Variants in PLLP observed in about 807,000 individuals in gnomAD.
PLLP encodes plasmolipin, also known as plasma membrane proteolipid (plasmolipin).
In PLLP, 15 loss-of-function variants were observed where a neutral mutation model predicts 19.7. The observed-to-expected ratio is 0.76, with a 90% CI of 0.51 to 1.17. PLLP has a LOEUF of 1.17. PLLP is among the 50% of genes most tolerant of loss of function. The pLI is 0.00. For missense variants in PLLP, 255 were observed against 258.3 expected, an observed-to-expected ratio of 0.99 and a Z score of 0.09; for synonymous variants, 111 against 116.3, an observed-to-expected ratio of 0.95 and a Z score of 0.29.
At chr16:57,278,185 C>T (rs1279068408) in intron 1 of PLLP, among the ~76,000 whole-genome samples, 1 of 152,082 alleles carries the variant, frequency 6.6e-6, no homozygotes, top group African/African-American at 2.4e-5. Flanking sequence ...ACTAAAAATA[C>T]AATAATGAGT....
intron 1 of PLLP, among the ~76,000 whole-genome samples, chr16:57,276,861 T>C (rs1264281212): frequency 6.6e-6 from 1 of 152,134 alleles, no homozygotes; most frequent in Non-Finnish European, 1.5e-5. Flanking sequence ...ACAGATGCAC[T>C]TGGTGGCATT....
intron 1 of PLLP, among the ~76,000 whole-genome samples, chr16:57,280,992 A>G (rs1901212471): frequency 6.6e-6 from 1 of 152,206 alleles, no homozygotes; most frequent in African/African-American, 2.4e-5. Context: ...CCTGGGAAAC[A>G]GAAGGGTTTG....
At chr16:57,258,335 C>T in intron 3 of PLLP, 127 bp downstream of exon 3, 1 of 900,282 alleles carries the variant, frequency 1.1e-6, no homozygotes, top group Non-Finnish European at 1.7e-6. Flanking sequence ...CCCTCTAAGA[C>T]CCACTGAGTG....
chr16:57,260,830 A>G (rs1161810743), intron 2 of PLLP, among the ~76,000 whole-genome samples: 1 of 152,210 alleles, frequency 6.6e-6, no homozygotes, highest in Non-Finnish European at 1.5e-5. Flanking sequence ...CCTCACCTGC[A>G]GGCAGCCAGG....
intron 1 of PLLP, among the ~76,000 whole-genome samples, chr16:57,271,254 T>C (rs1320832079): frequency 6.6e-6 from 1 of 152,154 alleles, no homozygotes; most frequent in Non-Finnish European, 1.5e-5. Context: ...AGCCCCCACG[T>C]GTACTTGCAG....
Position 57,284,480 on chromosome 16 carries a change from C to A in PLLP, c.61G>T (p.Ala21Ser). 6.9e-7 allele frequency: 1 copy of A among 1,439,084 alleles called. No homozygotes were observed. Among genetic ancestry groups the A allele is most frequent in the Non-Finnish European group, 9.2e-7 (1 of 1,091,834 alleles). 89.1% of individuals were successfully genotyped at this position (1,439,084 alleles called of 1,614,324 possible). ...RTSSPAQGAE[A>S]SVSALRPDLG... Reference sequence around the variant, plus strand: ...TCCGGGCGCAGCGCCGACACCGAGGCTTCGGCGCCCTGCGCAGGACTGCTG... The same window carrying A: ...TCCGGGCGCAGCGCCGACACCGAGGATTCGGCGCCCTGCGCAGGACTGCTG... Residue 21 changes from alanine to serine, a missense_variant, in exon 1 of 4, where the codon GCC becomes TCC. By Grantham distance (99) the Ala-to-Ser change is moderately conservative (BLOSUM62 1). Coordinates refer to ENST00000219207, the MANE Select transcript of PLLP (RefSeq NM_015993.3).
intron 1 of PLLP, among the ~76,000 whole-genome samples, chr16:57,266,861 G>GC (rs201034759): frequency 5.8e-5 from 8 of 138,518 alleles, no homozygotes; most frequent in Non-Finnish European, 1.2e-4. Context: ...AGGGCACAGG[G>GC]CCTTTTTTTT....
At chr16:57,266,003 G>A (rs558465860) in intron 1 of PLLP, among the ~76,000 whole-genome samples, 2 of 152,282 alleles carry the variant, frequency 1.3e-5, no homozygotes, top group South Asian at 4.1e-4. Context: ...TCCAGCCTAG[G>A]TGACAGAGAC....
intron 1 of PLLP, among the ~76,000 whole-genome samples, chr16:57,265,089 C>G (rs2075453005): frequency 6.6e-6 from 1 of 152,242 alleles, no homozygotes; most frequent in Admixed American, 6.5e-5. Flanking sequence ...ACACACAGCA[C>G]CCTGCCAGCC....
At chr16:57,283,532 T>C (rs1901244383) in intron 1 of PLLP, among the ~76,000 whole-genome samples, 3 of 152,194 alleles carry the variant, frequency 2.0e-5, no homozygotes, top group Admixed American at 2.0e-4. Flanking sequence ...TCTGAAAATG[T>C]ATCAGGCCCT....
intron 1 of PLLP, among the ~76,000 whole-genome samples, chr16:57,263,814 G>C: frequency 6.6e-6 from 1 of 151,734 alleles, no homozygotes; most frequent in Non-Finnish European, 1.5e-5. Flanking sequence ...GAGAGGACAC[G>C]AGGGTCTAGC....
intron 1 of PLLP, among the ~76,000 whole-genome samples, chr16:57,269,930 G>A (rs147160490): frequency 5.3e-5 from 8 of 151,980 alleles, no homozygotes; most frequent in South Asian, 4.2e-4. Context: ...CACCATGCCC[G>A]GCTAATTTTT....
intron 1 of PLLP, among the ~76,000 whole-genome samples, chr16:57,276,748 C>A (rs2146449578): frequency 6.6e-6 from 1 of 152,252 alleles, no homozygotes; most frequent in East Asian, 1.9e-4. Context: ...CTGTTGCAGG[C>A]AGGAAGGGTG....
rs1404534584 is a variant in PLLP at position 57,269,510 on chromosome 16, G to GCAGTCGTGAA, written c.136-7450_136-7441dup. On this transcript the variant is annotated intron_variant, in intron 1 of 3. Transcript: ENST00000219207. ...ACATTAAAAGCCATAGCAGTCGTGA[G>GCAGTCGTGAA]CAGTCGTGAAGGCTATGAGACAGTC... is the stretch of plus-strand genomic sequence containing the variant. 7.9e-5 allele frequency among the ~76,000 whole-genome samples: 12 copies of GCAGTCGTGAA among 152,312 alleles called. No homozygotes were observed. In the East Asian group the frequency reaches 2.1e-3, roughly 27 times the overall value.
rs1338608857 is a variant in PLLP at position 57,256,303 on chromosome 16, T to C, written c.*610A>G. On this transcript the variant is annotated 3_prime_UTR_variant, in exon 4 of 4. Coordinates refer to ENST00000219207, the MANE Select transcript of PLLP (RefSeq NM_015993.3). ...GAAAGGGAAGGAAACCTGGACAGGC[T>C]TTTCAGCACTGAGAAATCACTTAAA... 4 of 368,714 alleles carry C rather than the reference T, an allele frequency of 1.1e-5. No individual in the cohort carries two copies. Among genetic ancestry groups the C allele is most frequent in the Non-Finnish European group, 1.9e-5 (4 of 208,332 alleles). The allele number at this position is 368,714 out of a possible 1,614,324, so 22.8% of individuals were successfully genotyped here.
chr16:57,282,791 T>C (rs1901235311), intron 1 of PLLP, among the ~76,000 whole-genome samples: 1 of 152,188 alleles, frequency 6.6e-6, no homozygotes. Context: ...TCCCTGCCCT[T>C]GGAACACCCT....
chr16:57,279,358 C>CCTTTTT (rs1311441647), intron 1 of PLLP, among the ~76,000 whole-genome samples: 2 of 148,470 alleles, frequency 1.3e-5, no homozygotes, highest in African/African-American at 5.1e-5. Flanking sequence ...TCTTCTTCTT[C>CCTTTTT]TTCCTTTTTT....
rs1308746324 is a variant in PLLP at position 57,256,995 on chromosome 16, A to G, written c.467T>C (p.Val156Ala). 1.9e-6 allele frequency: 3 copies of G among 1,613,834 alleles called. No homozygotes were observed. Among genetic ancestry groups the G allele is most frequent in the Non-Finnish European group, 2.5e-6 (3 of 1,179,844 alleles). Reference protein sequence around the residue: ...FACLVMIAYGVSAFFSYQAWR... With the variant: ...FACLVMIAYGASAFFSYQAWR... ...GGCCTGGTAGCTGAAGAAGGCACTC[A>G]CTCCATAGGCGATCATCACCAAACA... The change falls in exon 4 of 4, where the codon GTG (valine) becomes GCG (alanine). Residue 156 changes from valine (V) to alanine (A), a missense_variant. By Grantham distance (64) the Val-to-Ala change is moderately conservative (BLOSUM62 0). Transcript: ENST00000219207.
chr16:57,268,103 G>A lies in PLLP; in HGVS notation c.136-6033C>T, dbSNP rs74021624. On this transcript the variant is annotated intron_variant, in intron 1 of 3. Transcript: ENST00000219207. ...AAGCCAAGGCACACCAAGGCTTGCT[G>A]GTCACCACCAGAAGCCAGGAGGGGG... Among the ~76,000 whole-genome samples, 623 of 152,152 alleles carry A rather than the reference G, an allele frequency of 4.1e-3. 2 individuals carry two copies. Among genetic ancestry groups the A allele is most frequent in the African/African-American group, 0.013 (559 of 41,524 alleles).
Sources: allele counts gnomAD v4.1 joint callset (sites outside exome capture counted in the v4.1 genomes callset), GRCh38; gene constraint gnomAD v4.1.1; transcripts MANE v1.5; gene names NCBI Gene and HGNC (gene_info 2026-07-23, HGNC 2026-07-21).